Variants in ATP6V1E2 observed in about 807,000 individuals in gnomAD.
ATP6V1E2 encodes V-type proton ATPase subunit E 2.
For synonymous variants in ATP6V1E2, 121 were observed against 104.2 expected, an observed-to-expected ratio of 1.16 and a Z score of -0.98; for missense variants, 308 against 273.3, an observed-to-expected ratio of 1.13 and a Z score of -0.90.
intron 4 of ATP6V1E2, among the ~76,000 whole-genome samples, chr2:46,515,716 G>T (rs770301496): frequency 6.6e-6 from 1 of 152,156 alleles, no homozygotes; most frequent in Non-Finnish European, 1.5e-5. Context: ...ATGTTCCAAT[G>T]AAAAGATATA....
intron 2 of ATP6V1E2, among the ~76,000 whole-genome samples, chr2:46,540,194 G>C (rs1050184897): frequency 4.6e-5 from 7 of 152,132 alleles, no homozygotes; most frequent in Non-Finnish European, 1.0e-4. Flanking sequence ...GCTGAGGCAG[G>C]CGGATCACTT....
At chr2:46,532,324 ATT>A (rs11366811) in intron 4 of ATP6V1E2, among the ~76,000 whole-genome samples, 1,422 of 124,602 alleles carry the variant, frequency 0.011, 19 homozygotes, top group African/African-American at 0.032. Context: ...TTCCTTTTTG[ATT>A]TTTTTTTTTT....
intron 2 of ATP6V1E2, among the ~76,000 whole-genome samples, chr2:46,540,613 C>CTGTTTTTTT (rs1667697024): frequency 8.6e-6 from 1 of 115,620 alleles, no homozygotes; most frequent in African/African-American, 3.4e-5. Flanking sequence ...TTTTCTGTAA[C>CTGTTTTTTT]TTTTTTTTTT....
At chr2:46,526,113 TTTA>T (rs1034206334) in intron 4 of ATP6V1E2, among the ~76,000 whole-genome samples, 4 of 152,192 alleles carry the variant, frequency 2.6e-5, no homozygotes, top group African/African-American at 4.8e-5. Context: ...GTGTACATTA[TTTA>T]TTATTATTAT....
intron 4 of ATP6V1E2, among the ~76,000 whole-genome samples, chr2:46,532,322 T>C (rs1474394793): frequency 7.0e-6 from 1 of 142,210 alleles, no homozygotes; most frequent in East Asian, 2.0e-4. Context: ...ACTTCCTTTT[T>C]GATTTTTTTT....
At chr2:46,520,887 T>C (rs1381923322) in intron 4 of ATP6V1E2, among the ~76,000 whole-genome samples, 2 of 152,082 alleles carry the variant, frequency 1.3e-5, no homozygotes, top group Non-Finnish European at 2.9e-5. Context: ...TTCAAAATTA[T>C]GAAATACAAA....
chr2:46,536,342 A>G lies in ATP6V1E2; in HGVS notation c.-217+269T>C, dbSNP rs1227462024. On this transcript the variant is annotated intron_variant, in intron 3 of 4. Coordinates refer to ENST00000522587, the MANE Select transcript of ATP6V1E2 (RefSeq NM_001318063.2). Reference sequence around the variant, plus strand: ...TCATTAGGAACCAGTGACCTTTAAGAAATTGCTGTGGTGTTTAACTCATTG... The same window carrying G: ...TCATTAGGAACCAGTGACCTTTAAGGAATTGCTGTGGTGTTTAACTCATTG... Among the ~76,000 whole-genome samples, 31 of 152,196 alleles carry G rather than the reference A, an allele frequency of 2.0e-4. 1 individual carries two copies. The highest frequency in any genetic ancestry group is 2.0e-3 in the Admixed American group (30 of 15,278).
chr2:46,512,309 G>A lies in ATP6V1E2; in HGVS notation c.403C>T (p.Arg135Cys), dbSNP rs192547120. The change falls in exon 5 of 5, where the codon CGC becomes TGC. Residue 135 changes from arginine (R) to cysteine (C), a missense_variant. By Grantham distance (180) the Arg-to-Cys change is radical. Transcript: ENST00000522587. ...AGGAGGAGGTCTTGTGGCCGGCAGC[G>A]TACAATCATCACAGGTTCCAGCAGT... ...LRLLEPVMIV[R>C]CRPQDLLLVE... The A allele has an allele frequency of 4.9e-5, 79 of 1,611,976 alleles. No individual in the cohort carries two copies. The highest frequency in any genetic ancestry group is 6.7e-5 in the East Asian group (3 of 44,840).
intron 1 of ATP6V1E2, 117 bp downstream of exon 1, chr2:46,542,100 G>C (rs1667808927): frequency 6.6e-6 from 1 of 152,090 alleles, no homozygotes; most frequent in African/African-American, 2.4e-5. Context: ...CTCGTGCTAC[G>C]GAAGGCGTGG....
In ATP6V1E2 at chr2:46,512,430, C is replaced by A; in HGVS notation, c.282G>T (p.Leu94Phe). 1 of 1,614,200 alleles carries A rather than the reference C, an allele frequency of 6.2e-7. No homozygotes were observed. The highest frequency in any genetic ancestry group is 2.2e-5 in the East Asian group (1 of 44,890). ...TGAGTCTCAGCTTCGCCTCACTGAG[C>A]AAATCTGAGATGAGGTCATTTCGGG... Reference protein sequence around the residue: ...LRARNDLISDLLSEAKLRLSR... With the variant: ...LRARNDLISDFLSEAKLRLSR... The change falls in exon 5 of 5, where the codon TTG becomes TTT. Residue 94 changes from leucine to phenylalanine, a missense_variant. Transcript: ENST00000522587.
chr2:46,528,944 G>A (rs2103900084), intron 4 of ATP6V1E2, among the ~76,000 whole-genome samples: 1 of 152,232 alleles, frequency 6.6e-6, no homozygotes. Flanking sequence ...CCCTCATTCT[G>A]CCCTTCCTAG....
chr2:46,540,002 C>T (rs1231940027), intron 2 of ATP6V1E2, among the ~76,000 whole-genome samples: 1 of 152,136 alleles, frequency 6.6e-6, no homozygotes, highest in African/African-American at 2.4e-5. Context: ...GCTCTTTGTC[C>T]CCAGCCCAGG....
At chr2:46,527,800 T>A (rs1240623209) in intron 4 of ATP6V1E2, 1 of 152,260 alleles carries the variant, frequency 6.6e-6, no homozygotes, top group East Asian at 1.9e-4. Context: ...CATCTTTTCA[T>A]GCACTTATTG....
chr2:46,521,671 C>G (rs1371245488), intron 4 of ATP6V1E2, among the ~76,000 whole-genome samples: 7 of 152,014 alleles, frequency 4.6e-5, no homozygotes, highest in Non-Finnish European at 7.4e-5. Context: ...GGGGCATCCC[C>G]TCTTCTGTCT....
intron 1 of ATP6V1E2, 115 bp from the exon 2 acceptor site, chr2:46,541,568 C>G (rs1405900665): frequency 6.6e-6 from 1 of 152,250 alleles, no homozygotes; most frequent in African/African-American, 2.4e-5. Flanking sequence ...CTTTCTAGGT[C>G]TCAGTTTTCT....
intron 4 of ATP6V1E2, among the ~76,000 whole-genome samples, chr2:46,518,511 A>T (rs1389192007): frequency 6.6e-6 from 1 of 151,282 alleles, no homozygotes; most frequent in African/African-American, 2.4e-5. Context: ...ACACACACAC[A>T]CACACACACA....
intron 4 of ATP6V1E2, among the ~76,000 whole-genome samples, chr2:46,514,219 C>A (rs1687609232): frequency 6.6e-6 from 1 of 151,910 alleles, no homozygotes; most frequent in South Asian, 2.1e-4. Flanking sequence ...GGTGGAGATT[C>A]CAGTGAGCTG....
chr2:46,515,379 G>A (rs1387534844), intron 4 of ATP6V1E2, among the ~76,000 whole-genome samples: 1 of 152,126 alleles, frequency 6.6e-6, no homozygotes, highest in East Asian at 1.9e-4. Context: ...AACAATGTTG[G>A]GGGGTAAAAA....
At chr2:46,525,461 C>CAAAAAAAAAAAAAAAAAA (rs57428249) in intron 4 of ATP6V1E2, among the ~76,000 whole-genome samples, 1 of 56,728 alleles carries the variant, frequency 1.8e-5, no homozygotes, top group African/African-American at 6.8e-5. Context: ...GACTCCGTCT[C>CAAAAAAAAAAAAAAAAAA]AAAAAAAAAA....
Sources: gnomAD v4.1 joint callset for allele counts (sites outside exome capture counted in the v4.1 genomes callset) on GRCh38, gnomAD v4.1.1 for gene constraint, MANE v1.5 for transcripts, NCBI Gene and HGNC (gene_info 2026-07-23, HGNC 2026-07-21) for gene names.